Variants in HTR1F observed in about 807,000 individuals in gnomAD.
The protein encoded by HTR1F is 5-hydroxytryptamine (serotonin) receptor 1F, G protein-coupled.
Under a neutral mutation model 24.0 loss-of-function variants are expected in HTR1F, and 17 were observed. That is an observed-to-expected ratio of 0.71 (90% CI 0.48 to 1.06). The LOEUF is 1.06. Among genes scored for constraint, HTR1F ranks in the 50% least tolerant of loss-of-function variants. The probability of loss-of-function intolerance (pLI) is 0.00; values close to 1 mark genes in which losing one functional copy is unlikely to be tolerated. For synonymous variants in HTR1F, 186 were observed against 156.8 expected, an observed-to-expected ratio of 1.19 and a Z score of -1.39; for missense variants, 391 against 427.8, an observed-to-expected ratio of 0.91 and a Z score of 0.76.
intron 2 of HTR1F, among the ~76,000 whole-genome samples, chr3:87,825,808 T>C (rs1456147659): frequency 6.6e-6 from 1 of 152,122 alleles, no homozygotes; most frequent in Non-Finnish European, 1.5e-5. Flanking sequence ...ATGACAGAGG[T>C]ACCACTTGAG....
At chr3:87,904,081 C>CA (rs777417163) in intron 2 of HTR1F, among the ~76,000 whole-genome samples, 2 of 151,822 alleles carry the variant, frequency 1.3e-5, no homozygotes, top group Admixed American at 6.6e-5. Context: ...CAATAATTCA[C>CA]AAAAAAGGAT....
intron 2 of HTR1F, among the ~76,000 whole-genome samples, chr3:87,924,220 G>C (rs1704074155): frequency 6.6e-6 from 1 of 151,994 alleles, no homozygotes; most frequent in Non-Finnish European, 1.5e-5. Context: ...TTCAGTGATG[G>C]TAAAATTGTA....
At chr3:87,866,837 T>TGTGTGTGC (rs1705440007) in intron 2 of HTR1F, among the ~76,000 whole-genome samples, 1 of 150,330 alleles carries the variant, frequency 6.7e-6, no homozygotes, top group Non-Finnish European at 1.5e-5. Flanking sequence ...TGTGTGTGTG[T>TGTGTGTGC]GTGTGTGTGC....
chr3:87,882,925 C>T (rs1478242550), intron 2 of HTR1F, among the ~76,000 whole-genome samples: 3 of 152,144 alleles, frequency 2.0e-5, no homozygotes, highest in African/African-American at 4.8e-5. Flanking sequence ...ATGTCCCTGT[C>T]TGACTGCTCT....
At chr3:87,799,948 CT>C (rs943113456) in intron 1 of HTR1F, among the ~76,000 whole-genome samples, 17 of 152,246 alleles carry the variant, frequency 1.1e-4, no homozygotes, top group South Asian at 6.2e-4. Context: ...CTCCAAATTT[CT>C]TTTTTAAAGT....
At chr3:87,897,655 GC>G (rs1475318853) in intron 2 of HTR1F, among the ~76,000 whole-genome samples, 2 of 151,960 alleles carry the variant, frequency 1.3e-5, no homozygotes, top group African/African-American at 2.4e-5. Context: ...CATTTCTCCA[GC>G]CTAAATTCTT....
chr3:87,899,758 G>C (rs1215824362), intron 2 of HTR1F, among the ~76,000 whole-genome samples: 1 of 152,036 alleles, frequency 6.6e-6, no homozygotes, highest in Non-Finnish European at 1.5e-5. Context: ...CCAGCTACTC[G>C]GGAGGCTGAG....
intron 2 of HTR1F, among the ~76,000 whole-genome samples, chr3:87,981,254 G>C (rs961759450): frequency 6.6e-6 from 1 of 152,166 alleles, no homozygotes; most frequent in African/African-American, 2.4e-5. Context: ...GAGTGCAGTG[G>C]TGCAATCTCA....
At chr3:87,872,299 TA>T (rs1335430191) in intron 2 of HTR1F, among the ~76,000 whole-genome samples, 1 of 152,014 alleles carries the variant, frequency 6.6e-6, no homozygotes, top group South Asian at 2.1e-4. Context: ...CTACATTAAA[TA>T]AAAAGAAAGC....
intron 2 of HTR1F, among the ~76,000 whole-genome samples, chr3:87,834,691 G>A (rs1210475309): frequency 1.3e-5 from 2 of 152,118 alleles, no homozygotes; most frequent in Non-Finnish European, 2.9e-5. Context: ...CCATCCTGCT[G>A]CCTATTTTTC....
At chr3:87,819,740 G>T (rs1306787958) in intron 1 of HTR1F, among the ~76,000 whole-genome samples, 2 of 151,810 alleles carry the variant, frequency 1.3e-5, no homozygotes, top group Admixed American at 1.3e-4. Flanking sequence ...GTTTTAAAAT[G>T]CATATAAGAT....
At chr3:87,891,889 C>T (rs536560488) in intron 2 of HTR1F, among the ~76,000 whole-genome samples, 2 of 152,334 alleles carry the variant, frequency 1.3e-5, no homozygotes, top group Non-Finnish European at 2.9e-5. Flanking sequence ...TAATTAGTCT[C>T]TGACTACTGT....
intron 2 of HTR1F, among the ~76,000 whole-genome samples, chr3:87,873,570 C>G (rs772166643): frequency 1.5e-4 from 23 of 152,200 alleles, no homozygotes; most frequent in Non-Finnish European, 2.9e-4. Flanking sequence ...GAACCACCCT[C>G]AAAGACATAC....
chr3:87,982,613 G>C (rs1399038940), intron 2 of HTR1F, among the ~76,000 whole-genome samples: 1 of 152,164 alleles, frequency 6.6e-6, no homozygotes, highest in Non-Finnish European at 1.5e-5. Flanking sequence ...AGAGTCAAGA[G>C]CCTGGAGGGC....
At chr3:87,940,838 G>A (rs1382406677) in intron 2 of HTR1F, among the ~76,000 whole-genome samples, 2 of 152,202 alleles carry the variant, frequency 1.3e-5, no homozygotes, top group Non-Finnish European at 2.9e-5. Context: ...TTGTCTGACA[G>A]CCACAAGTCT....
At chr3:87,897,582 ATTT>A (rs1706230179) in intron 2 of HTR1F, among the ~76,000 whole-genome samples, 3 of 152,042 alleles carry the variant, frequency 2.0e-5, no homozygotes, top group Admixed American at 2.0e-4. Flanking sequence ...TCCTATGAAG[ATTT>A]TACATTAACT....
At chr3:87,898,367 T>G (rs1706248741) in intron 2 of HTR1F, among the ~76,000 whole-genome samples, 1 of 152,158 alleles carries the variant, frequency 6.6e-6, no homozygotes, top group African/African-American at 2.4e-5. Flanking sequence ...TCTTGAGGCC[T>G]TGGGTAGGTC....
At chr3:87,983,617 T>C (rs986892164) in intron 2 of HTR1F, among the ~76,000 whole-genome samples, 3 of 152,352 alleles carry the variant, frequency 2.0e-5, no homozygotes, top group East Asian at 1.9e-4. Context: ...CTCTCTGGCC[T>C]GCTGTTTTAT....
intron 2 of HTR1F, among the ~76,000 whole-genome samples, chr3:87,976,602 A>G (rs1298010832): frequency 6.6e-6 from 1 of 152,230 alleles, no homozygotes; most frequent in Non-Finnish European, 1.5e-5. Context: ...TAAGCATGTT[A>G]TATTTTTCTA....
Sources: allele counts gnomAD v4.1 joint callset (sites outside exome capture counted in the v4.1 genomes callset), GRCh38; gene constraint gnomAD v4.1.1; transcripts MANE v1.5; gene names NCBI Gene and HGNC (gene_info 2026-07-23, HGNC 2026-07-21).